Variants in SLC60A1 observed in about 807,000 individuals in gnomAD.
SLC60A1 encodes the protein solute carrier family 60 member 1.
chr1:205,580,965 T>C, the SLC60A1 span: 1 of 1,594,094 alleles, frequency 6.3e-7, no homozygotes. This position sits in a 1 kb window ranked among gnomAD's most constrained non-coding sequence, Gnocchi z 5.0. Context: ...TAGTGGACAG[T>C]CCACACATCC....
At chr1:205,597,749 T>G in the SLC60A1 span, 1 of 1,612,764 alleles carries the variant, frequency 6.2e-7, no homozygotes, top group South Asian at 1.1e-5. Context: ...TTAACTTGCT[T>G]TTACCAAACC....
At chr1:205,580,720 C>T in the SLC60A1 span, 3 of 1,608,978 alleles carry the variant, frequency 1.9e-6, no homozygotes, top group Non-Finnish European at 2.5e-6. The surrounding 1 kb of genome is among the most constrained non-coding windows in gnomAD (Gnocchi z 5.0). Flanking sequence ...CTGACCCTTT[C>T]CTGTCTGAGG....
the SLC60A1 span, among the ~76,000 whole-genome samples, chr1:205,570,354 A>T: frequency 6.6e-6 from 1 of 152,126 alleles, no homozygotes; most frequent in Non-Finnish European, 1.5e-5. Flanking sequence ...GATCCCATGG[A>T]CTCAGTCGAG....
chr1:205,580,628 C>A, the SLC60A1 span: 1 of 1,595,456 alleles, frequency 6.3e-7, no homozygotes, highest in Admixed American at 1.7e-5. This position sits in a 1 kb window ranked among gnomAD's most constrained non-coding sequence, Gnocchi z 5.0. Context: ...GACTGACCCC[C>A]ACCCCCACCC....
the SLC60A1 span, chr1:205,583,821 C>T: frequency 4.1e-6 from 5 of 1,228,390 alleles, no homozygotes; most frequent in Non-Finnish European, 5.5e-6. Context: ...TGGGATGGCT[C>T]AGCTTTTAGC....
the SLC60A1 span, among the ~76,000 whole-genome samples, chr1:205,588,493 A>AAG: frequency 5.9e-5 from 8 of 135,766 alleles, no homozygotes; most frequent in Admixed American, 3.8e-4. Flanking sequence ...AAAAAAAAGA[A>AAG]AGAGAAAATA....
chr1:205,598,974 G>A, the SLC60A1 span: 3,598 of 992,544 alleles, frequency 3.6e-3, 79 homozygotes, highest in African/African-American at 0.051. Flanking sequence ...CTTGAAACAA[G>A]GCCAAGGCCT....
the SLC60A1 span, chr1:205,580,008 G>A: frequency 6.5e-7 from 1 of 1,535,140 alleles, no homozygotes; most frequent in Non-Finnish European, 8.8e-7. This position sits in a 1 kb window ranked among gnomAD's most constrained non-coding sequence, Gnocchi z 5.0. Flanking sequence ...AGCTCCCTAG[G>A]CCCCCTCAGT....
the SLC60A1 span, among the ~76,000 whole-genome samples, chr1:205,574,519 T>C: frequency 5.9e-5 from 9 of 152,146 alleles, no homozygotes; most frequent in Non-Finnish European, 1.3e-4. Flanking sequence ...TTGAGCCGGA[T>C]CCTGTTTTAA....
At chr1:205,589,369 A>G in the SLC60A1 span, among the ~76,000 whole-genome samples, 2 of 152,254 alleles carry the variant, frequency 1.3e-5, no homozygotes, top group East Asian at 1.9e-4. Context: ...GCAGAAAAAG[A>G]TGAGGATGGG....
the SLC60A1 span, among the ~76,000 whole-genome samples, chr1:205,588,531 C>T: frequency 6.8e-6 from 1 of 146,112 alleles, no homozygotes; most frequent in African/African-American, 2.5e-5. Flanking sequence ...CCCAGAGATT[C>T]TAATTTAGGA....
the SLC60A1 span, chr1:205,579,795 T>C: frequency 1.2e-5 from 19 of 1,614,140 alleles, no homozygotes; most frequent in Non-Finnish European, 1.4e-5. Context: ...TCTCTGGCCA[T>C]CTCCCTGGTG....
chr1:205,586,307 C>T, the SLC60A1 span: 1 of 1,395,804 alleles, frequency 7.2e-7, no homozygotes, highest in Non-Finnish European at 9.9e-7. Context: ...TACATTCTGC[C>T]AGCAGGATGG....
chr1:205,599,205 T>C, the SLC60A1 span: 1 of 1,614,056 alleles, frequency 6.2e-7, no homozygotes, highest in Non-Finnish European at 8.5e-7. Context: ...TTACCTTCTA[T>C]ATCTTGCTCC....
the SLC60A1 span, chr1:205,592,079 T>G: frequency 6.3e-7 from 1 of 1,598,960 alleles, no homozygotes; most frequent in South Asian, 1.1e-5. Context: ...TCCTGGCGGT[T>G]CCTCACCACC....
the SLC60A1 span, among the ~76,000 whole-genome samples, chr1:205,591,253 C>T: frequency 6.6e-6 from 1 of 152,100 alleles, no homozygotes; most frequent in Non-Finnish European, 1.5e-5. Context: ...GAAGCTGAGG[C>T]AGATGGATTG....
chr1:205,569,197 G>A, the SLC60A1 span: 1 of 1,551,544 alleles, frequency 6.4e-7, no homozygotes, highest in Non-Finnish European at 8.7e-7. Flanking sequence ...CTGGACCTGC[G>A]CTGTCAGACG....
chr1:205,601,909 A>G, the SLC60A1 span: 1 of 152,228 alleles, frequency 6.6e-6, no homozygotes, highest in Admixed American at 6.5e-5. Context: ...TTATAGAGGG[A>G]AAAAAACTCT....
the SLC60A1 span, among the ~76,000 whole-genome samples, chr1:205,572,146 C>T: frequency 1.3e-5 from 2 of 151,362 alleles, no homozygotes; most frequent in South Asian, 4.1e-4. Context: ...AGCTTGCTCA[C>T]TCTCTCAGAG....
Sources: allele counts gnomAD v4.1 joint callset (sites outside exome capture counted in the v4.1 genomes callset), GRCh38; gene constraint gnomAD v4.1.1; non-coding constraint Gnocchi (gnomAD v3.1); transcripts MANE v1.5; gene names NCBI Gene and HGNC (gene_info 2026-07-23, HGNC 2026-07-21).